Variants in CBLIF observed in about 807,000 individuals in gnomAD.
CBLIF encodes the protein gastric intrinsic factor (vitamin B synthesis).
CBLIF carries 24 observed loss-of-function variants against 44.9 expected under a neutral mutation model. The ratio of observed to expected loss-of-function variants is 0.53; its 90% confidence interval spans 0.39 to 0.75. The LOEUF (loss-of-function observed/expected upper bound fraction) is 0.75, where lower values mean the gene tolerates loss of function less well. CBLIF is among the 30% of genes least tolerant of loss of function. CBLIF has a pLI of 0.00. For missense variants in CBLIF, 481 were observed against 513.0 expected (o/e 0.94, Z 0.60); for synonymous variants, 183 against 190.9 (o/e 0.96, Z 0.34).
chr11:59,845,484 A>C lies in CBLIF; in HGVS notation c.-31T>G. On this transcript the variant is annotated 5_prime_UTR_variant, in exon 1 of 9. Transcript: ENST00000257248. ...TCTCTCGTCTATGTCTCTCATCCAC[A>C]GGTACCGCGATTTGCAAGTGGAATA... is the stretch of plus-strand genomic sequence containing the variant. 1 of 1,377,552 alleles carries C rather than the reference A, an allele frequency of 7.3e-7. No individual in the cohort carries two copies. The highest frequency in any genetic ancestry group is 1.0e-6 in the Non-Finnish European group (1 of 965,080). The allele number at this position is 1,377,552 out of a possible 1,614,324, so 85.3% of individuals were successfully genotyped here.
In CBLIF at chr11:59,845,487, T is replaced by C. The variant is rs113987172; in HGVS notation, c.-34A>G. On this transcript the variant is annotated 5_prime_UTR_variant, in exon 1 of 9. Transcript: ENST00000257248. ...CTCGTCTATGTCTCTCATCCACAGG[T>C]ACCGCGATTTGCAAGTGGAATATTT... The C allele has an allele frequency of 4.3e-4, 583 of 1,341,940 alleles. 5 individuals carry two copies. The African/African-American group carries it at 6.3e-3, about 15-fold the overall frequency. The allele number at this position is 1,341,940 out of a possible 1,614,324, so 83.1% of individuals were successfully genotyped here.
rs1866420185 is a variant in CBLIF, at chr11:59,834,296, CTTTCTTTCTTT to C, written c.1073+1501_1073+1511del. ...TCTTTCTTTCTTTCTTTCTTTCTTT[CTTTCTTTCTTT>C]CTTTCTTCCTTCCTTCCTTCCTTCC... On this transcript the variant is annotated intron_variant, in intron 7 of 8. Coordinates refer to ENST00000257248, the MANE Select transcript of CBLIF (RefSeq NM_005142.3). 4.5e-3 allele frequency among the ~76,000 whole-genome samples: 596 copies of C among 132,514 alleles called. 3 individuals carry two copies. Among genetic ancestry groups the C allele is most frequent in the East Asian group, 5.8e-3 (27 of 4,620 alleles). The allele number at this position is 132,514 out of a possible 152,430, so 86.9% of individuals were successfully genotyped here. A position where few individuals can be genotyped will look rare whatever the true frequency, so the allele number is the denominator to read the frequency against.
In CBLIF at chr11:59,829,517, G is replaced by A. The variant is rs148989677; in HGVS notation, c.1221C>T (p.His407=). The A allele has an allele frequency of 3.7e-5, 60 of 1,611,364 alleles. No homozygotes were observed. The African/African-American group carries it at 6.0e-4, about 16-fold the overall frequency. Residue 407 remains histidine (H), a synonymous_variant, in exon 9 of 9, where the codon CAC becomes CAT. Coordinates refer to ENST00000257248, the MANE Select transcript of CBLIF (RefSeq NM_005142.3). ...GTGTGAAATTGGCTGTGATGTGCTC[G>A]TGGTTGAAGGGTATGTAGTCAGCAA... ...EGVADYIPFN[H]EHITANFTQY
intron 7 of CBLIF, 116 bp downstream of exon 7, chr11:59,835,692 G>A (rs1480698500): frequency 8.7e-6 from 7 of 808,232 alleles, no homozygotes; most frequent in East Asian, 5.0e-5. Flanking sequence ...CTGCTCAAGC[G>A]CTATTAAATA....
intron 7 of CBLIF, among the ~76,000 whole-genome samples, chr11:59,834,312 C>CA (rs1565207547): frequency 9.6e-6 from 1 of 104,296 alleles, no homozygotes; most frequent in Non-Finnish European, 2.1e-5. Flanking sequence ...TTCTTTCTTT[C>CA]TTCCTTCCTT....
chr11:59,833,741 T>C (rs1413603874), intron 7 of CBLIF, among the ~76,000 whole-genome samples: 1 of 152,150 alleles, frequency 6.6e-6, no homozygotes, highest in Admixed American at 6.5e-5. Context: ...CATCTTTTCT[T>C]TGAAAAAGAA....
chr11:59,842,507 C>CGG lies in CBLIF; in HGVS notation c.446_447insCC (p.Thr150ArgfsTer5). On this transcript the variant is annotated frameshift_variant, in exon 4 of 9. Coordinates refer to ENST00000257248, the MANE Select transcript of CBLIF (RefSeq NM_005142.3). LOFTEE classifies it high-confidence loss of function. ...CAAAGCGGACGGCTATCGGCAAGGTCGCCTCAGAGTTCTTCTGGCACAGTG... is the reference window on the plus strand; with the variant it reads ...CAAAGCGGACGGCTATCGGCAAGGTCGGGCCTCAGAGTTCTTCTGGCACAGTG... 1 of 1,613,892 alleles carries CGG rather than the reference C, an allele frequency of 6.2e-7. No homozygotes were observed. The highest frequency in any genetic ancestry group is 8.5e-7 in the Non-Finnish European group (1 of 1,180,012).
At chr11:59,844,119 C>A in intron 1 of CBLIF, 64 bp from the exon 2 acceptor site, 1 of 1,256,354 alleles carries the variant, frequency 8.0e-7, no homozygotes, top group South Asian at 1.2e-5. Context: ...ACATTATCCC[C>A]GTGTCTTTGA....
rs1215206205 is a variant in CBLIF, at chr11:59,829,478, T to C, written c.*6A>G. The C allele has an allele frequency of 1.3e-6, 2 of 1,591,482 alleles. No individual in the cohort carries two copies. The highest frequency in any genetic ancestry group is 8.6e-7 in the Non-Finnish European group (1 of 1,159,224). ...ATGTTTGATAGAAGCTGAACCCACCTCTTCGTTAGTACTGTGTGAAATTGG... is the reference window on the plus strand; with the variant it reads ...ATGTTTGATAGAAGCTGAACCCACCCCTTCGTTAGTACTGTGTGAAATTGG... On this transcript the variant is annotated 3_prime_UTR_variant, in exon 9 of 9. Coordinates refer to ENST00000257248, the MANE Select transcript of CBLIF (RefSeq NM_005142.3).
chr11:59,831,589 G>A, intron 8 of CBLIF, 89 bp downstream of exon 8: 2 of 730,232 alleles, frequency 2.7e-6, no homozygotes, highest in Non-Finnish European at 5.0e-6. Flanking sequence ...TTAATTAAGT[G>A]AATGAATGAA....
chr11:59,837,080 ACATTACAAGC>A, intron 6 of CBLIF, 84 bp downstream of exon 6: 1 of 957,400 alleles, frequency 1.0e-6, no homozygotes, highest in Non-Finnish European at 1.7e-6. Context: ...GGAATAATGG[ACATTACAAGC>A]CTATATGCCA....
chr11:59,841,832 G>A, intron 4 of CBLIF, among the ~76,000 whole-genome samples: 1 of 152,166 alleles, frequency 6.6e-6, no homozygotes, highest in East Asian at 1.9e-4. Flanking sequence ...AATGCGGGCT[G>A]TGACAGTGGC....
chr11:59,842,028 G>A (rs1032081661), intron 4 of CBLIF, among the ~76,000 whole-genome samples: 23 of 152,128 alleles, frequency 1.5e-4, no homozygotes, highest in African/African-American at 5.6e-4. Context: ...ATGGAGAGAG[G>A]ATATTTGGAT....
Position 59,844,746 on chromosome 11 carries a change from C to T in CBLIF, c.79+629G>A, listed in dbSNP as rs142150245. On this transcript the variant is annotated intron_variant, in intron 1 of 8. Coordinates refer to ENST00000257248, the MANE Select transcript of CBLIF (RefSeq NM_005142.3). ...ATTTATCCTCAGTGAGTACCAAAAT[C>T]TCTCACTAGTATGTAGTGGTGTCTG... 9.2e-5 allele frequency among the ~76,000 whole-genome samples: 14 copies of T among 152,244 alleles called. No individual in the cohort carries two copies. The East Asian group carries it at 2.7e-3, about 29-fold the overall frequency.
At chr11:59,836,537 A>G (rs148908895) in intron 6 of CBLIF, among the ~76,000 whole-genome samples, 90 of 152,290 alleles carry the variant, frequency 5.9e-4, no homozygotes, top group African/African-American at 2.1e-3. Context: ...GGATAAAATA[A>G]AGATATTTTT....
Position 59,837,341 on chromosome 11 carries a change from A to G in CBLIF, c.704T>C (p.Val235Ala), listed in dbSNP as rs1565208505. Reference sequence around the variant, plus strand: ...TTCCTTTTTAGATGGCTCAGGTGTTACAGAGAGAGCCTGGGAAGGAAGACA... The same window carrying G: ...TTCCTTTTTAGATGGCTCAGGTGTTGCAGAGAGAGCCTGGGAAGGAAGACA... ...STGLAMQALSVTPEPSKKEWN... is the reference protein window; with the variant it reads ...STGLAMQALSATPEPSKKEWN... The change falls in exon 6 of 9, where the codon GTA becomes GCA. Residue 235 changes from valine to alanine, a missense_variant. Coordinates refer to ENST00000257248, the MANE Select transcript of CBLIF (RefSeq NM_005142.3). 1 of 1,612,144 alleles carries G rather than the reference A, an allele frequency of 6.2e-7. No homozygotes were observed. Among genetic ancestry groups the G allele is most frequent in the Non-Finnish European group, 8.5e-7 (1 of 1,178,234 alleles).
chr11:59,830,233 CTTTTTTTT>C (rs530371257), intron 8 of CBLIF, among the ~76,000 whole-genome samples: 16 of 123,300 alleles, frequency 1.3e-4, no homozygotes, highest in South Asian at 2.6e-4. Context: ...CAATTACTTT[CTTTTTTTT>C]TTTTTTTTTT....
chr11:59,834,422 C>T (rs1207450739), intron 7 of CBLIF, among the ~76,000 whole-genome samples: 1 of 132,050 alleles, frequency 7.6e-6, no homozygotes, highest in Non-Finnish European at 1.6e-5. Flanking sequence ...GACAGAGTCT[C>T]ACTCTGTCTC....
Position 59,845,491 on chromosome 11 carries a change from G to A in CBLIF, c.-38C>T, listed in dbSNP as rs1222037922. On this transcript the variant is annotated 5_prime_UTR_variant, in exon 1 of 9. Transcript: ENST00000257248. ...TCTATGTCTCTCATCCACAGGTACC[G>A]CGATTTGCAAGTGGAATATTTCTTT... The A allele has an allele frequency of 6.1e-6, 8 of 1,305,018 alleles. No individual in the cohort carries two copies. The East Asian group carries it at 6.9e-5, about 11-fold the overall frequency. 80.8% of individuals were successfully genotyped at this position (1,305,018 alleles called of 1,614,324 possible). A position where few individuals can be genotyped will look rare whatever the true frequency, so the allele number is the denominator to read the frequency against.
Sources: gnomAD v4.1 joint callset for allele counts (sites outside exome capture counted in the v4.1 genomes callset) on GRCh38, gnomAD v4.1.1 for gene constraint, MANE v1.5 for transcripts, NCBI Gene and HGNC (gene_info 2026-07-23, HGNC 2026-07-21) for gene names.